Variants in ERCC8 observed in about 807,000 individuals in gnomAD.
ERCC8 encodes the protein ERCC excision repair 8, CSA ubiquitin ligase complex subunit.
Under a neutral mutation model 54.9 loss-of-function variants are expected in ERCC8, and 52 were observed. The observed-to-expected ratio is 0.95, with a 90% CI of 0.76 to 1.19. ERCC8 has a LOEUF of 1.19. Among genes scored for constraint, ERCC8 ranks in the 50% most tolerant of loss-of-function variants. The probability of loss-of-function intolerance (pLI) is 0.00; values close to 1 mark genes in which losing one functional copy is unlikely to be tolerated. For synonymous variants in ERCC8, 146 were observed against 157.2 expected (o/e 0.93, Z 0.53); for missense variants, 514 against 466.1 (o/e 1.10, Z -0.95).
At chr5:60,892,604 C>T (rs2112478712) in intron 9 of ERCC8, 1 of 670,280 alleles carries the variant, frequency 1.5e-6, no homozygotes, top group Non-Finnish European at 2.8e-6. Context: ...TAGTCTGGTA[C>T]CCAGAGAGAA....
chr5:60,916,754 G>C lies in ERCC8; in HGVS notation c.399+1511C>G, dbSNP rs111586807. Among the ~76,000 whole-genome samples the C allele has an allele frequency of 5.7e-4, 87 of 152,016 alleles. 2 individuals are homozygous for C. The highest frequency in any genetic ancestry group is 2.0e-3 in the African/African-American group (83 of 41,456). ...ACATTTATATACACAACACTGTTTT[G>C]TTTTGCTCACTAGAATCATAATATA... is the stretch of plus-strand genomic sequence containing the variant. On this transcript the variant is annotated intron_variant, in intron 4 of 11. Coordinates refer to ENST00000676185, the MANE Select transcript of ERCC8 (RefSeq NM_000082.4).
Position 60,887,444 on chromosome 5 carries a change from T to A in ERCC8, c.1118A>T (p.Asp373Val), listed in dbSNP as rs757164182. The part of the protein sequence containing the change: ...PSLYEPVPDD[D>V]ETTTKSQLNP... ...ATTTGTGAAAATAATATTTACCTCA[T>A]CATCATCAGGAACTGGTTCATATAA... Residue 373 changes from aspartate (D) to valine (V), a missense_variant, in exon 11 of 12, where the codon GAT (aspartate) becomes GTT (valine). Coordinates refer to ENST00000676185, the MANE Select transcript of ERCC8 (RefSeq NM_000082.4). 6.2e-7 allele frequency: 1 copy of A among 1,609,688 alleles called. No individual in the cohort carries two copies. Among genetic ancestry groups the A allele is most frequent in the Non-Finnish European group, 8.5e-7 (1 of 1,176,036 alleles).
chr5:60,877,606 G>C (rs1414938483), intron 11 of ERCC8, among the ~76,000 whole-genome samples: 22 of 152,282 alleles, frequency 1.4e-4, no homozygotes, highest in Non-Finnish European at 1.2e-4. Context: ...TTGTAAGTTG[G>C]ATTCCTAGGT....
chr5:60,902,308 C>G, intron 7 of ERCC8, 134 bp downstream of exon 7: 1 of 686,134 alleles, frequency 1.5e-6, no homozygotes, highest in Non-Finnish European at 2.5e-6. Flanking sequence ...ATTAAAATTT[C>G]TAAGTCAATA....
At chr5:60,882,383 C>T (rs974820692) in intron 11 of ERCC8, among the ~76,000 whole-genome samples, 6 of 152,026 alleles carry the variant, frequency 3.9e-5, no homozygotes, top group Non-Finnish European at 7.4e-5. Flanking sequence ...CTCCAAATGT[C>T]CAGAAGCGAA....
At chr5:60,885,532 A>G (rs1245571420) in intron 11 of ERCC8, among the ~76,000 whole-genome samples, 2 of 152,160 alleles carry the variant, frequency 1.3e-5, no homozygotes, top group Non-Finnish European at 2.9e-5. Flanking sequence ...ATGTAAAATA[A>G]ATGGCTAAAC....
intron 11 of ERCC8, among the ~76,000 whole-genome samples, chr5:60,883,350 T>C (rs1748301297): frequency 6.6e-6 from 1 of 152,218 alleles, no homozygotes; most frequent in Non-Finnish European, 1.5e-5. Flanking sequence ...GTGGTACACA[T>C]TACCATTTGA....
intron 1 of ERCC8, among the ~76,000 whole-genome samples, chr5:60,931,830 C>T (rs1284756217): frequency 6.6e-6 from 1 of 152,042 alleles, no homozygotes; most frequent in Non-Finnish European, 1.5e-5. Context: ...TCATCTTTTC[C>T]TTCAGCTCCC....
Position 60,890,997 on chromosome 5 carries a change from T to A in ERCC8, c.933A>T (p.Pro311=), listed in dbSNP as rs199805243. 3.1e-6 allele frequency: 5 copies of A among 1,613,338 alleles called. No individual in the cohort carries two copies. In the African/African-American group the frequency reaches 6.7e-5, roughly 22 times the overall value. ...CGCSSEFVFV[P]YGSTIAVYTV... ...TATAAACAGCAATGGTGCTACCATA[T>A]GGTACAAAAACAAATTCTGAACTGC... The change falls in exon 10 of 12, where the codon CCA becomes CCT. Residue 311 remains proline (P), a synonymous_variant. Coordinates refer to ENST00000676185, the MANE Select transcript of ERCC8 (RefSeq NM_000082.4).
At chr5:60,936,316 T>C (rs1750064448) in intron 1 of ERCC8, among the ~76,000 whole-genome samples, 3 of 152,324 alleles carry the variant, frequency 2.0e-5, no homozygotes, top group South Asian at 2.1e-4. Context: ...AAGATGTTGA[T>C]AGTAGCCTTG....
At chr5:60,886,232 TAC>T (rs1462794382) in intron 11 of ERCC8, among the ~76,000 whole-genome samples, 1 of 152,034 alleles carries the variant, frequency 6.6e-6, no homozygotes, top group Non-Finnish European at 1.5e-5. Context: ...TAAAAAAAAA[TAC>T]AGAGGCTATT....
At chr5:60,909,272 A>AAAAAAAAAAAAC (rs1314331223) in intron 4 of ERCC8, among the ~76,000 whole-genome samples, 1 of 145,322 alleles carries the variant, frequency 6.9e-6, no homozygotes, top group Non-Finnish European at 1.5e-5. Context: ...AAAAAAAAAA[A>AAAAAAAAAAAAC]AAAAAAGCCA....
intron 1 of ERCC8, among the ~76,000 whole-genome samples, chr5:60,933,038 C>A (rs966576219): frequency 6.6e-6 from 1 of 151,988 alleles, no homozygotes; most frequent in Non-Finnish European, 1.5e-5. Flanking sequence ...CGTTTCCATG[C>A]CAAACTGATT....
At chr5:60,921,994 C>T (rs964637423) in intron 3 of ERCC8, 60 bp downstream of exon 3, 128 of 1,178,652 alleles carry the variant, frequency 1.1e-4, no homozygotes, top group Non-Finnish European at 1.4e-4. Context: ...GTTTTGCATT[C>T]GATGCAAAAA....
intron 11 of ERCC8, among the ~76,000 whole-genome samples, chr5:60,882,077 G>A (rs1373696726): frequency 6.6e-6 from 1 of 152,136 alleles, no homozygotes; most frequent in Admixed American, 6.5e-5. Flanking sequence ...TCCTGATCTC[G>A]TGATCTGCCT....
At chr5:60,895,464 T>C (rs1267644652) in intron 9 of ERCC8, among the ~76,000 whole-genome samples, 1 of 152,176 alleles carries the variant, frequency 6.6e-6, no homozygotes, top group Non-Finnish European at 1.5e-5. Context: ...TTATGAATAA[T>C]GATTTAACCA....
intron 9 of ERCC8, chr5:60,892,502 G>A: frequency 1.7e-6 from 1 of 589,826 alleles, no homozygotes; most frequent in Non-Finnish European, 3.3e-6. Flanking sequence ...CGCTCACCCA[G>A]TCAGCTAGGA....
chr5:60,941,928 T>A (rs548889824), intron 1 of ERCC8, among the ~76,000 whole-genome samples: 1 of 152,242 alleles, frequency 6.6e-6, no homozygotes, highest in East Asian at 1.9e-4. Context: ...TCTGATAGAG[T>A]ATATAATGTA....
At position 60,869,296 on chromosome 5, in the gene ERCC8, T is replaced by C. The variant is rs1747815649; in HGVS notation, c.*5319A>G. On this transcript the variant is annotated 3_prime_UTR_variant, in exon 12 of 12. Transcript: ENST00000676185. ...TAATTTGAGGTTTTCCTTTCCATTG[T>C]GAAATAGTGATTTTGCTTTGAAAAA... Among the ~76,000 whole-genome samples the C allele has an allele frequency of 6.6e-6, 1 of 152,212 alleles. No homozygotes were observed. The highest frequency in any genetic ancestry group is 1.5e-5 in the Non-Finnish European group (1 of 68,026).
Sources: allele counts gnomAD v4.1 joint callset (sites outside exome capture counted in the v4.1 genomes callset), GRCh38; gene constraint gnomAD v4.1.1; transcripts MANE v1.5; gene names NCBI Gene and HGNC (gene_info 2026-07-23, HGNC 2026-07-21).